Variants in NCOA2 observed in about 807,000 individuals in gnomAD.
NCOA2 encodes class E basic helix-loop-helix protein 75.
In NCOA2, 21 loss-of-function variants were observed where a neutral mutation model predicts 145.1. The observed-to-expected ratio is 0.14, with a 90% CI of 0.10 to 0.21. The LOEUF (loss-of-function observed/expected upper bound fraction) is 0.21, where lower values mean the gene tolerates loss of function less well. NCOA2 is among the 10% of genes least tolerant of loss of function. NCOA2 has a pLI of 1.00. For missense variants in NCOA2, 1,472 were observed against 1,837.6 expected, an observed-to-expected ratio of 0.80 and a Z score of 3.64; for synonymous variants, 619 against 637.5, an observed-to-expected ratio of 0.97 and a Z score of 0.44.
At chr8:70,249,977 A>AAAAGAAG (rs751876043) in intron 2 of NCOA2, among the ~76,000 whole-genome samples, 2 of 137,918 alleles carry the variant, frequency 1.5e-5, no homozygotes, top group Admixed American at 7.6e-5. Flanking sequence ...AAAAAAAAAA[A>AAAAGAAG]AAGAAGAAGA....
chr8:70,442,460 C>T, the NCOA2 span, among the ~76,000 whole-genome samples: 2 of 152,180 alleles, frequency 1.3e-5, no homozygotes, highest in African/African-American at 2.4e-5. Context: ...AGTCACCATT[C>T]TTGTATATTA....
chr8:70,172,479 C>A (rs1814365715), intron 5 of NCOA2, among the ~76,000 whole-genome samples: 1 of 152,202 alleles, frequency 6.6e-6, no homozygotes, highest in Admixed American at 6.5e-5. Context: ...GACCATAAGG[C>A]ACCAGAGAAA....
chr8:70,436,295 AT>A, the NCOA2 span, among the ~76,000 whole-genome samples: 1 of 152,120 alleles, frequency 6.6e-6, no homozygotes. Flanking sequence ...AAATTTTAAA[AT>A]TTTTTCCAAA....
intron 4 of NCOA2, among the ~76,000 whole-genome samples, chr8:70,194,886 G>C (rs1019287893): frequency 6.6e-6 from 1 of 152,120 alleles, no homozygotes; most frequent in East Asian, 1.9e-4. Context: ...AGAGTAAACA[G>C]CTGGGTAACA....
chr8:70,342,577 G>C (rs553390982), intron 1 of NCOA2, among the ~76,000 whole-genome samples: 2 of 151,442 alleles, frequency 1.3e-5, no homozygotes, highest in South Asian at 4.2e-4. Context: ...TTTTTCATTT[G>C]GTCATCCCAA....
Position 70,296,730 on chromosome 8 carries a change from C to T in NCOA2, c.-20+14G>A, listed in dbSNP as rs1827116400. 2 of 152,026 alleles carry T rather than the reference C, an allele frequency of 1.3e-5. No homozygotes were observed. Among genetic ancestry groups the T allele is most frequent in the African/African-American group, 4.8e-5 (2 of 41,394 alleles). 9.4% of individuals were successfully genotyped at this position (152,026 alleles called of 1,614,324 possible). ...ATCAAAGTATCCAATATGAAGAATT[C>T]AACGTTAACTCACCTGTGCCTGTAA... On this transcript the variant is annotated intron_variant, in intron 2 of 22. Transcript: ENST00000452400.
At chr8:70,274,015 G>A (rs1266641211) in intron 2 of NCOA2, among the ~76,000 whole-genome samples, 1 of 152,138 alleles carries the variant, frequency 6.6e-6, no homozygotes, top group East Asian at 1.9e-4. Context: ...GCTCTTTTCA[G>A]TTTTTGCTTA....
At chr8:70,323,656 G>A (rs781340430) in intron 1 of NCOA2, among the ~76,000 whole-genome samples, 3 of 152,056 alleles carry the variant, frequency 2.0e-5, no homozygotes, top group Non-Finnish European at 4.4e-5. Flanking sequence ...TACCATAAAC[G>A]ATGTGTAAAT....
intron 1 of NCOA2, among the ~76,000 whole-genome samples, chr8:70,364,868 T>C (rs1380792022): frequency 6.6e-6 from 1 of 150,840 alleles, no homozygotes; most frequent in Non-Finnish European, 1.5e-5. Context: ...CACATCAGCA[T>C]AGAGATTCTG....
chr8:70,247,519 T>C (rs1307685074), intron 2 of NCOA2, among the ~76,000 whole-genome samples: 1 of 152,150 alleles, frequency 6.6e-6, no homozygotes, highest in African/African-American at 2.4e-5. Context: ...ATGCAATGAC[T>C]AAAATCAATA....
At chr8:70,276,447 C>A (rs1225164272) in intron 2 of NCOA2, among the ~76,000 whole-genome samples, 1 of 152,132 alleles carries the variant, frequency 6.6e-6, no homozygotes, top group Non-Finnish European at 1.5e-5. Flanking sequence ...TTGGTTGTGT[C>A]CCCACCCAAA....
At chr8:70,335,742 G>C (rs991268158) in intron 1 of NCOA2, among the ~76,000 whole-genome samples, 14 of 152,000 alleles carry the variant, frequency 9.2e-5, no homozygotes, top group Non-Finnish European at 1.6e-4. Flanking sequence ...GAAATGCATC[G>C]TTAGGTGATT....
At chr8:70,317,502 T>C (rs1805694279) in intron 1 of NCOA2, among the ~76,000 whole-genome samples, 1 of 152,114 alleles carries the variant, frequency 6.6e-6, no homozygotes, top group Non-Finnish European at 1.5e-5. Context: ...ATATTCAACA[T>C]AAAAAATGAG....
At chr8:70,124,156 G>T in intron 20 of NCOA2, 74 bp from the exon 21 acceptor site, 1 of 1,405,006 alleles carries the variant, frequency 7.1e-7, no homozygotes. Context: ...CAGGGCACTT[G>T]TTTCTCAGGC....
chr8:70,235,914 C>G (rs867236221), intron 2 of NCOA2, among the ~76,000 whole-genome samples: 8 of 152,198 alleles, frequency 5.3e-5, no homozygotes, highest in African/African-American at 1.9e-4. Flanking sequence ...AGAACTGCTG[C>G]TTTATAGTAT....
intron 1 of NCOA2, among the ~76,000 whole-genome samples, chr8:70,403,345 G>C (rs1172325857): frequency 6.6e-6 from 1 of 150,882 alleles, no homozygotes; most frequent in South Asian, 2.1e-4. Context: ...TCTCGCCCGC[G>C]CCGCGGGCTG....
intron 4 of NCOA2, among the ~76,000 whole-genome samples, chr8:70,201,492 C>A (rs145874313): frequency 1.3e-4 from 20 of 152,108 alleles, no homozygotes; most frequent in Non-Finnish European, 2.6e-4. Flanking sequence ...ACTGTTGCCC[C>A]GGAGTTATTA....
the NCOA2 span, among the ~76,000 whole-genome samples, chr8:70,412,008 T>C: frequency 6.6e-6 from 1 of 152,236 alleles, no homozygotes. Flanking sequence ...TTAAATGTTA[T>C]TGTTGTTTGC....
intron 2 of NCOA2, among the ~76,000 whole-genome samples, chr8:70,241,292 C>G (rs1215091236): frequency 3.9e-5 from 6 of 152,104 alleles, no homozygotes; most frequent in African/African-American, 1.4e-4. Flanking sequence ...CAAAGCTTCT[C>G]CCCACCCAGT....
Sources: allele counts gnomAD v4.1 joint callset (sites outside exome capture counted in the v4.1 genomes callset), GRCh38; gene constraint gnomAD v4.1.1; transcripts MANE v1.5; gene names NCBI Gene and HGNC (gene_info 2026-07-23, HGNC 2026-07-21).